The following ALDH1A1 variants were observed in gnomAD, a reference collection of about 807,000 sequenced individuals.
ALDH1A1 encodes the protein aldehyde dehydrogenase 1 family member A1, also known as aldehyde dehydrogenase 1A1.
ALDH1A1 carries 19 observed loss-of-function variants against 62.1 expected under a neutral mutation model. That is an observed-to-expected ratio of 0.31 (90% CI 0.21 to 0.45). The LOEUF (loss-of-function observed/expected upper bound fraction) is 0.45. Ranked by LOEUF, ALDH1A1 falls within the 20% of genes least tolerant of loss-of-function variation. The probability of loss-of-function intolerance (pLI) is 1.00; values close to 1 mark genes in which losing one functional copy is unlikely to be tolerated. For synonymous variants in ALDH1A1, 231 were observed against 215.9 expected (o/e 1.07, Z -0.61); for missense variants, 521 against 607.1 (o/e 0.86, Z 1.49).
intron 3 of ALDH1A1, among the ~76,000 whole-genome samples, chr9:72,930,453 A>G (rs987264590): frequency 1.3e-5 from 2 of 152,286 alleles, no homozygotes; most frequent in Non-Finnish European, 2.9e-5. Context: ...AATAAGATTT[A>G]TTTTAGAGAA....
intron 11 of ALDH1A1, among the ~76,000 whole-genome samples, 196 bp from the exon 12 acceptor site, chr9:72,906,228 A>C (rs911562075): frequency 1.2e-4 from 18 of 152,186 alleles, no homozygotes; most frequent in African/African-American, 4.3e-4. Context: ...AGAAACAAAT[A>C]GAATAGTGCA....
chr9:72,918,423 T>TA (rs1485635026), intron 8 of ALDH1A1, among the ~76,000 whole-genome samples: 3 of 152,136 alleles, frequency 2.0e-5, no homozygotes, highest in Non-Finnish European at 4.4e-5. Context: ...AGATATGGAA[T>TA]TTAAAAAATA....
intron 11 of ALDH1A1, among the ~76,000 whole-genome samples, chr9:72,907,800 G>A (rs1031273949): frequency 7.9e-5 from 12 of 152,214 alleles, no homozygotes; most frequent in South Asian, 4.2e-4. Flanking sequence ...AGTAAGTGGC[G>A]ATAATATACA....
chr9:72,928,327 G>A (rs8187924), intron 4 of ALDH1A1, among the ~76,000 whole-genome samples: 64,897 of 151,860 alleles, frequency 0.43, 15,062 homozygotes, highest in Non-Finnish European at 0.5. Flanking sequence ...CATACGTACA[G>A]ATTCACACAC....
At chr9:72,944,733 TA>T (rs1295780115) in intron 1 of ALDH1A1, among the ~76,000 whole-genome samples, 13 of 152,236 alleles carry the variant, frequency 8.5e-5, no homozygotes, top group Admixed American at 2.6e-4. Flanking sequence ...GATGATACTA[TA>T]AAAGTAAAAT....
At chr9:72,908,603 GA>G (rs1230346994) in intron 11 of ALDH1A1, among the ~76,000 whole-genome samples, 6 of 143,584 alleles carry the variant, frequency 4.2e-5, no homozygotes, top group South Asian at 2.3e-4. Context: ...AAGAAAGAAA[GA>G]AAGAAAGAAA....
intron 7 of ALDH1A1, among the ~76,000 whole-genome samples, chr9:72,923,501 G>A (rs538698783): frequency 9.9e-5 from 15 of 151,988 alleles, no homozygotes; most frequent in Non-Finnish European, 4.4e-5. Flanking sequence ...TGTGGTTGGG[G>A]TCTTTTTCTT....
intron 1 of ALDH1A1, among the ~76,000 whole-genome samples, chr9:72,943,215 C>T (rs1329804411): frequency 6.6e-6 from 1 of 152,086 alleles, no homozygotes; most frequent in Non-Finnish European, 1.5e-5. Context: ...CATACAGAAT[C>T]AATTACATTT....
chr9:72,924,136 A>C lies in ALDH1A1; in HGVS notation c.634-4T>G, dbSNP rs878903930. 1.3e-6 allele frequency: 2 copies of C among 1,588,782 alleles called. No individual in the cohort carries two copies. Among genetic ancestry groups the C allele is most frequent in the Non-Finnish European group, 8.6e-7 (1 of 1,166,598 alleles). On this transcript the variant is annotated splice_polypyrimidine_tract_variant and splice_region_variant and intron_variant, in intron 6 of 12. Coordinates refer to ENST00000297785, the MANE Select transcript of ALDH1A1 (RefSeq NM_000689.5). The stretch of plus-strand genomic sequence containing the variant: ...CTACTCCAGGAGGAAACCCTGCCTA[A>C]AAGATAAAAAGTTTAAAAGTTACAG...
intron 1 of ALDH1A1, 95 bp from the exon 2 acceptor site, chr9:72,940,347 C>G: frequency 1.2e-6 from 1 of 839,098 alleles, no homozygotes. Flanking sequence ...TTCACCATGC[C>G]TAAATGATGC....
chr9:72,929,610 C>T (rs1830255003), intron 3 of ALDH1A1, among the ~76,000 whole-genome samples: 1 of 152,170 alleles, frequency 6.6e-6, no homozygotes, highest in Admixed American at 6.5e-5. Context: ...TAAAGTTAAA[C>T]ATTTTCTAGT....
At chr9:72,905,426 GT>G (rs1438724304) in intron 12 of ALDH1A1, among the ~76,000 whole-genome samples, 2 of 151,936 alleles carry the variant, frequency 1.3e-5, no homozygotes, top group Non-Finnish European at 2.9e-5. Context: ...TTAGGTTTAA[GT>G]TTTAATACTA....
chr9:72,910,285 A>G (rs1829966571), intron 10 of ALDH1A1, among the ~76,000 whole-genome samples: 1 of 152,216 alleles, frequency 6.6e-6, no homozygotes, highest in African/African-American at 2.4e-5. Context: ...TACTCAGTAG[A>G]ATAGTTACTA....
At chr9:72,949,191 A>C (rs1050082780) in intron 1 of ALDH1A1, among the ~76,000 whole-genome samples, 2 of 151,904 alleles carry the variant, frequency 1.3e-5, no homozygotes, top group African/African-American at 4.8e-5. Context: ...CCCAAACGTC[A>C]CATTTTCAGT....
intron 12 of ALDH1A1, among the ~76,000 whole-genome samples, chr9:72,902,963 C>T (rs1389879200): frequency 2.0e-5 from 3 of 150,530 alleles, no homozygotes; most frequent in African/African-American, 7.3e-5. Context: ...AGGGTCCACA[C>T]TGTAAAAAAA....
chr9:72,946,850 A>C (rs547113557), intron 1 of ALDH1A1, among the ~76,000 whole-genome samples: 1 of 151,940 alleles, frequency 6.6e-6, no homozygotes, highest in African/African-American at 2.4e-5. Context: ...GCAACATATC[A>C]TCCTATAGAT....
At chr9:72,919,813 A>C (rs925460957) in intron 7 of ALDH1A1, among the ~76,000 whole-genome samples, 1 of 152,214 alleles carries the variant, frequency 6.6e-6, no homozygotes, top group Non-Finnish European at 1.5e-5. Flanking sequence ...CTGGAATCCT[A>C]CAGTTCTGGT....
At chr9:72,952,105 C>A (rs1292596034) in intron 1 of ALDH1A1, among the ~76,000 whole-genome samples, 1 of 151,926 alleles carries the variant, frequency 6.6e-6, no homozygotes, top group East Asian at 1.9e-4. Flanking sequence ...AATTTCTTAC[C>A]ATACTTTCTG....
intron 2 of ALDH1A1, among the ~76,000 whole-genome samples, chr9:72,931,716 C>G (rs1166586490): frequency 6.6e-6 from 1 of 152,140 alleles, no homozygotes; most frequent in Non-Finnish European, 1.5e-5. Context: ...GGGAACAGGG[C>G]ATGGAAATAG....
Sources: gnomAD v4.1 joint callset for allele counts (sites outside exome capture counted in the v4.1 genomes callset) on GRCh38, gnomAD v4.1.1 for gene constraint, MANE v1.5 for transcripts, NCBI Gene and HGNC (gene_info 2026-07-23, HGNC 2026-07-21) for gene names.